Variants in EVC2 observed in about 807,000 individuals in gnomAD.
EVC2 encodes the protein limbin.
Under a neutral mutation model 149.3 loss-of-function variants are expected in EVC2, and 148 were observed. That is an observed-to-expected ratio of 0.99 (90% CI 0.87 to 1.14). EVC2 has a LOEUF of 1.14. EVC2 is among the 50% of genes most tolerant of loss of function. The pLI, the probability that EVC2 is intolerant of heterozygous loss-of-function variation, is 0.00. For missense variants in EVC2, 1,854 were observed against 1,627.3 expected (o/e 1.14, Z -2.40); for synonymous variants, 776 against 649.9 (o/e 1.19, Z -2.95).
intron 16 of EVC2, among the ~76,000 whole-genome samples, chr4:5,598,249 C>T (rs1258272823): frequency 6.6e-6 from 1 of 151,916 alleles, no homozygotes; most frequent in Non-Finnish European, 1.5e-5. Flanking sequence ...AAAAAAGAGC[C>T]CGCATCGCCA....
intron 7 of EVC2, among the ~76,000 whole-genome samples, chr4:5,675,266 A>G (rs1435166702): frequency 6.6e-6 from 1 of 152,234 alleles, no homozygotes; most frequent in African/African-American, 2.4e-5. Context: ...AGTTTTCTCC[A>G]GATCACATCC....
chr4:5,548,728 C>A (rs774126554), intron 21 of EVC2, among the ~76,000 whole-genome samples: 1 of 152,074 alleles, frequency 6.6e-6, no homozygotes, highest in Non-Finnish European at 1.5e-5. Context: ...TATTCCAAAC[C>A]TGTGATTTCA....
At chr4:5,587,969 C>A (rs966084596) in intron 16 of EVC2, among the ~76,000 whole-genome samples, 11 of 152,048 alleles carry the variant, frequency 7.2e-5, no homozygotes, top group Non-Finnish European at 1.6e-4. Flanking sequence ...TCTTTGGAGG[C>A]AGAAATTGGG....
chr4:5,585,806 G>GT (rs1001056152), intron 16 of EVC2, among the ~76,000 whole-genome samples: 52 of 151,216 alleles, frequency 3.4e-4, no homozygotes, highest in African/African-American at 1.0e-3. Context: ...ATTTTCTAGA[G>GT]TTTTTTTTTA....
intron 1 of EVC2, among the ~76,000 whole-genome samples, chr4:5,707,439 C>A (rs58319347): frequency 0.14 from 21,625 of 151,992 alleles, 1,693 homozygotes; most frequent in South Asian, 0.2. Context: ...TTGGCCAGGG[C>A]AGTCCTGGGA....
intron 17 of EVC2, among the ~76,000 whole-genome samples, chr4:5,582,044 G>A (rs192810957): frequency 6.6e-6 from 1 of 152,370 alleles, no homozygotes; most frequent in African/African-American, 2.4e-5. Context: ...CCAGGCAGAA[G>A]CCTTCTGCTG....
At chr4:5,539,184 G>A (rs1418791990), downstream of EVC2, among the ~76,000 whole-genome samples, 1 of 152,130 alleles carries the variant, frequency 6.6e-6, no homozygotes, top group Non-Finnish European at 1.5e-5. Flanking sequence ...ATTTTAAAAG[G>A]CAGTGTGATT....
rs1205427514 is a variant in EVC2, at chr4:5,571,693, C to T, written c.3360+2992G>A. On this transcript the variant is annotated intron_variant, in intron 19 of 21. Transcript: ENST00000344408. The stretch of plus-strand genomic sequence containing the variant: ...AAAAAGAAAACGGCAAAATATGGGG[C>T]TTCCTCCAGTCTGGATGTGCTGGTT... Among the ~76,000 whole-genome samples, 3 of 152,184 alleles carry T rather than the reference C, an allele frequency of 2.0e-5. No individual in the cohort carries two copies. The East Asian group carries it at 5.8e-4, about 29-fold the overall frequency.
intron 9 of EVC2, among the ~76,000 whole-genome samples, chr4:5,647,375 T>C (rs1209841983): frequency 1.3e-5 from 2 of 152,240 alleles, no homozygotes; most frequent in Non-Finnish European, 2.9e-5. Context: ...CGGTCTTTAT[T>C]CTTTTTGATG....
In EVC2 at chr4:5,689,173, G is replaced by C. The variant is rs200743695; in HGVS notation, c.690C>G (p.Ser230Arg). 265 of 1,614,032 alleles carry C rather than the reference G, an allele frequency of 1.6e-4. No individual in the cohort carries two copies. The highest frequency in any genetic ancestry group is 2.1e-4 in the Non-Finnish European group (247 of 1,180,030). Residue 230 changes from serine (S) to arginine (R), a missense_variant, in exon 5 of 22, where the codon AGC becomes AGG. By Grantham distance (110) the Ser-to-Arg change is moderately radical. Transcript: ENST00000344408. ...TGCTGTTACCTTGCAGAAACTTCTT[G>C]CTAAAAGCCTGGAATCCTTCCGAGG... Reference protein sequence around the residue: ...NRTSEGFQAFSKKFLQVGDAF... With the variant: ...NRTSEGFQAFRKKFLQVGDAF...
chr4:5,645,637 C>T (rs1418101367), intron 9 of EVC2, among the ~76,000 whole-genome samples: 1 of 152,132 alleles, frequency 6.6e-6, no homozygotes, highest in Non-Finnish European at 1.5e-5. Flanking sequence ...GTATATGTAC[C>T]ACATTTGCTT....
intron 16 of EVC2, among the ~76,000 whole-genome samples, chr4:5,594,161 G>A (rs1195524524): frequency 6.6e-6 from 1 of 152,170 alleles, no homozygotes; most frequent in Non-Finnish European, 1.5e-5. Flanking sequence ...CAAACAAAAA[G>A]ACAGCAGTAA....
At chr4:5,564,278 A>G (rs1189722217) in intron 21 of EVC2, among the ~76,000 whole-genome samples, 1 of 152,212 alleles carries the variant, frequency 6.6e-6, no homozygotes, top group Non-Finnish European at 1.5e-5. Context: ...TGGGACCATC[A>G]TGTCTCTTGA....
intron 10 of EVC2, among the ~76,000 whole-genome samples, chr4:5,635,403 C>T (rs1212165991): frequency 6.6e-6 from 1 of 152,120 alleles, no homozygotes; most frequent in Admixed American, 6.5e-5. Context: ...ATGAAAAAGA[C>T]TTCAGGGAGA....
At chr4:5,593,138 C>A (rs546462838) in intron 16 of EVC2, among the ~76,000 whole-genome samples, 1 of 152,090 alleles carries the variant, frequency 6.6e-6, no homozygotes, top group East Asian at 1.9e-4. Context: ...CCTGCAGAAC[C>A]GTGAATCAAT....
rs73795012 is a variant in EVC2, at chr4:5,708,066, C to G, written c.228+220G>C. 246 of 431,182 alleles carry G rather than the reference C, an allele frequency of 5.7e-4. 1 individual carries two copies. The highest frequency in any genetic ancestry group is 2.9e-3 in the African/African-American group (143 of 48,722). The allele number at this position is 431,182 out of a possible 1,614,324, so 26.7% of individuals were successfully genotyped here. On this transcript the variant is annotated intron_variant, in intron 1 of 21. Coordinates refer to ENST00000344408, the MANE Select transcript of EVC2 (RefSeq NM_147127.5). ...TCGAACCAGGGTCGCTGGTGAAGTC[C>G]AAGCCGGCAGCTGCCACACCCCGAG...
chr4:5,654,970 T>C (rs1198573373), intron 9 of EVC2, among the ~76,000 whole-genome samples: 1 of 152,214 alleles, frequency 6.6e-6, no homozygotes, highest in African/African-American at 2.4e-5. Flanking sequence ...TCCCTGCTTT[T>C]CTTGGCTTCC....
intron 9 of EVC2, among the ~76,000 whole-genome samples, chr4:5,655,542 G>A (rs574085354): frequency 7.9e-5 from 12 of 152,076 alleles, no homozygotes; most frequent in Admixed American, 5.2e-4. Context: ...AAGTCTTAAT[G>A]GCCCTTTAGA....
At chr4:5,708,833 G>A (rs1722391828), upstream of EVC2, 1 of 264,292 alleles carries the variant, frequency 3.8e-6, no homozygotes, top group African/African-American at 2.2e-5. Context: ...GCCTACCTGG[G>A]TCTGTAAGCC....
Sources: gnomAD v4.1 joint callset for allele counts (sites outside exome capture counted in the v4.1 genomes callset) on GRCh38, gnomAD v4.1.1 for gene constraint, MANE v1.5 for transcripts, NCBI Gene and HGNC (gene_info 2026-07-23, HGNC 2026-07-21) for gene names.